CTDSPL2: variants seen among roughly 807,000 people sequenced by gnomAD.
The protein encoded by CTDSPL2 is CTD small phosphatase like 2.
Under a neutral mutation model 60.0 loss-of-function variants are expected in CTDSPL2, and 5 were observed. That is an observed-to-expected ratio of 0.08 (90% CI 0.04 to 0.18). CTDSPL2 has a LOEUF of 0.18. Among genes scored for constraint, CTDSPL2 ranks in the 10% least tolerant of loss-of-function variants. The pLI is 1.00. For missense variants in CTDSPL2, 370 were observed against 548.8 expected (o/e 0.67, Z 3.26); for synonymous variants, 186 against 189.3 (o/e 0.98, Z 0.14).
rs1411455642 is a variant in CTDSPL2, at chr15:44,496,929, G to A, written c.771-98G>A. On this transcript the variant is annotated intron_variant, in intron 6 of 12. Transcript: ENST00000260327. ...ATGTTTTATAAGTTTTGTTTTCTGGGTTAACTGCTTTATAGATTTTTAAAT... is the reference window on the plus strand; with the variant it reads ...ATGTTTTATAAGTTTTGTTTTCTGGATTAACTGCTTTATAGATTTTTAAAT... 5 of 610,298 alleles carry A rather than the reference G, an allele frequency of 8.2e-6. No homozygotes were observed. In the East Asian group the frequency reaches 1.2e-4, roughly 14 times the overall value. 37.8% of individuals were successfully genotyped at this position (610,298 alleles called of 1,614,324 possible).
At chr15:44,496,549 C>T in intron 6 of CTDSPL2, 91 bp downstream of exon 6, 1 of 960,032 alleles carries the variant, frequency 1.0e-6, no homozygotes, top group African/African-American at 1.6e-5. Context: ...TAGTATATTG[C>T]CAAGATATGT....
intron 1 of CTDSPL2, among the ~76,000 whole-genome samples, chr15:44,454,869 C>T (rs1293396984): frequency 2.6e-5 from 4 of 152,176 alleles, no homozygotes; most frequent in Non-Finnish European, 4.4e-5. Flanking sequence ...GTAATGCCTC[C>T]AGCTTTGTTC....
intron 2 of CTDSPL2, among the ~76,000 whole-genome samples, chr15:44,473,801 T>A (rs916969636): frequency 3.9e-5 from 6 of 152,254 alleles, no homozygotes; most frequent in African/African-American, 1.4e-4. Context: ...CATTTAACAA[T>A]TTCAAGCAGT....
At chr15:44,445,454 T>C (rs2080190924) in intron 1 of CTDSPL2, among the ~76,000 whole-genome samples, 1 of 152,052 alleles carries the variant, frequency 6.6e-6, no homozygotes, top group African/African-American at 2.4e-5. Context: ...CCTCCCAAAG[T>C]GCTGGCATTA....
chr15:44,517,519 T>A (rs1046505021), intron 10 of CTDSPL2: 4 of 152,000 alleles, frequency 2.6e-5, no homozygotes, highest in Admixed American at 6.6e-5. Context: ...TCCTGTGATC[T>A]CTAAATCTCA....
chr15:44,444,983 G>A (rs971219503), intron 1 of CTDSPL2, among the ~76,000 whole-genome samples: 1 of 150,720 alleles, frequency 6.6e-6, no homozygotes. Context: ...GAGTAGCTGG[G>A]ACTACAGGCG....
chr15:44,508,843 G>A (rs1417458834), intron 8 of CTDSPL2, among the ~76,000 whole-genome samples: 3 of 152,136 alleles, frequency 2.0e-5, no homozygotes, highest in Admixed American at 6.6e-5. Flanking sequence ...GCTTGAACCC[G>A]GGAGGTGGAG....
chr15:44,446,082 C>T (rs768567084), intron 1 of CTDSPL2, among the ~76,000 whole-genome samples: 5 of 151,682 alleles, frequency 3.3e-5, no homozygotes, highest in Non-Finnish European at 4.4e-5. Context: ...CCCACCACCA[C>T]GCCTGGTTAA....
chr15:44,522,748 G>A (rs8024226), intron 12 of CTDSPL2, among the ~76,000 whole-genome samples: 41 of 152,218 alleles, frequency 2.7e-4, no homozygotes, highest in African/African-American at 9.9e-4. Flanking sequence ...GTGAGACTTT[G>A]TCTCAAAACA....
At chr15:44,455,982 C>A (rs2080430832) in intron 1 of CTDSPL2, among the ~76,000 whole-genome samples, 1 of 150,416 alleles carries the variant, frequency 6.6e-6, no homozygotes, top group East Asian at 2.0e-4. Context: ...TCCCGAGTAG[C>A]TGGGACTACA....
chr15:44,498,356 C>T (rs560769571), intron 7 of CTDSPL2, among the ~76,000 whole-genome samples: 105 of 152,134 alleles, frequency 6.9e-4, no homozygotes, highest in African/African-American at 2.5e-3. Flanking sequence ...CCTGTAATTC[C>T]AGCACTTTGG....
rs1178704298 is a variant in CTDSPL2, at chr15:44,527,362, A to G, written c.*3188A>G. On this transcript the variant is annotated 3_prime_UTR_variant, in exon 13 of 13. Transcript: ENST00000260327. ...ACTTTTTCATCTAGATCTTACTTTC[A>G]TTCAACCTTCTAAAGAAGTTCGTTT... is the stretch of plus-strand genomic sequence containing the variant. 6.6e-6 allele frequency: 1 copy of G among 152,170 alleles called. No homozygotes were observed. Among genetic ancestry groups the G allele is most frequent in the Non-Finnish European group, 1.5e-5 (1 of 67,930 alleles). 9.4% of individuals were successfully genotyped at this position (152,170 alleles called of 1,614,324 possible). A position where few individuals can be genotyped will look rare whatever the true frequency, so the allele number is the denominator to read the frequency against.
At chr15:44,491,151 CA>C (rs34877128) in intron 5 of CTDSPL2, 152 bp downstream of exon 5, 1 of 631,894 alleles carries the variant, frequency 1.6e-6, no homozygotes. Flanking sequence ...AGCTTTGTCC[CA>C]AAAATCCAAA....
chr15:44,489,116 C>T (rs2081172566), intron 4 of CTDSPL2, among the ~76,000 whole-genome samples: 1 of 151,970 alleles, frequency 6.6e-6, no homozygotes. Flanking sequence ...TCTCTCCACT[C>T]CCACATCTGT....
chr15:44,452,723 A>G (rs2140671472), intron 1 of CTDSPL2, among the ~76,000 whole-genome samples: 1 of 152,012 alleles, frequency 6.6e-6, no homozygotes, highest in South Asian at 2.1e-4. Flanking sequence ...ATTCTTTTTA[A>G]TTTTTGCCAT....
chr15:44,469,405 T>C (rs2080760526), intron 2 of CTDSPL2, among the ~76,000 whole-genome samples: 1 of 152,234 alleles, frequency 6.6e-6, no homozygotes, highest in African/African-American at 2.4e-5. Flanking sequence ...GCTACTTCCT[T>C]GATTAGAACA....
chr15:44,496,989 A>G, intron 6 of CTDSPL2, 38 bp from the exon 7 acceptor site: 1 of 1,259,512 alleles, frequency 7.9e-7, no homozygotes, highest in Admixed American at 1.8e-5. Context: ...ATGTATAAAA[A>G]GTAAAATGTT....
chr15:44,501,804 C>T (rs534467086), intron 8 of CTDSPL2, among the ~76,000 whole-genome samples: 2 of 152,148 alleles, frequency 1.3e-5, no homozygotes, highest in Non-Finnish European at 2.9e-5. Context: ...TGAGGATATC[C>T]GTAGTTAATA....
intron 8 of CTDSPL2, among the ~76,000 whole-genome samples, chr15:44,507,010 G>A (rs373327300): frequency 2.7e-5 from 4 of 148,712 alleles, no homozygotes; most frequent in African/African-American, 7.4e-5. Context: ...CTCGTGATCC[G>A]CCCACCTCGG....
Sources: gnomAD v4.1 joint callset for allele counts (sites outside exome capture counted in the v4.1 genomes callset) on GRCh38, gnomAD v4.1.1 for gene constraint, MANE v1.5 for transcripts, NCBI Gene and HGNC (gene_info 2026-07-23, HGNC 2026-07-21) for gene names.